Variants in CSMD1 observed in about 807,000 individuals in gnomAD.
The protein encoded by CSMD1 is CUB and Sushi multiple domains 1.
In CSMD1, 213 loss-of-function variants were observed where a neutral mutation model predicts 417.5. The observed-to-expected ratio is 0.51, with a 90% confidence interval of 0.46 to 0.57. The LOEUF (loss-of-function observed/expected upper bound fraction) is 0.57, where lower values mean the gene tolerates loss of function less well. Ranked by LOEUF, CSMD1 falls within the 20% of genes least tolerant of loss-of-function variation. The pLI is 0.00. For missense variants in CSMD1, 6,923 were observed against 4,529.7 expected (o/e 1.53, Z -15.17); for synonymous variants, 2,862 against 1,736.8 (o/e 1.65, Z -16.11).
intron 6 of CSMD1, among the ~76,000 whole-genome samples, chr8:3,715,026 T>G (rs1801746397): frequency 6.6e-6 from 1 of 152,234 alleles, no homozygotes; most frequent in Non-Finnish European, 1.5e-5. Context: ...AATGTTTAAC[T>G]TATTCATTAA....
intron 1 of CSMD1, among the ~76,000 whole-genome samples, chr8:4,811,505 G>T (rs1000553288): frequency 6.6e-6 from 1 of 152,002 alleles, no homozygotes; most frequent in African/African-American, 2.4e-5. Flanking sequence ...GGGATTGGTG[G>T]CAATGTATTG....
chr8:3,745,655 G>C (rs1448472027), intron 6 of CSMD1, among the ~76,000 whole-genome samples: 1 of 152,098 alleles, frequency 6.6e-6, no homozygotes, highest in East Asian at 1.9e-4. Context: ...TTTTCACAAG[G>C]GGCATGAATC....
At chr8:3,672,953 A>C (rs115709218) in intron 7 of CSMD1, among the ~76,000 whole-genome samples, 1 of 152,182 alleles carries the variant, frequency 6.6e-6, no homozygotes, top group Non-Finnish European at 1.5e-5. Context: ...TCAATAACTT[A>C]TCTCGTTATT....
At chr8:3,700,672 G>C (rs867849337) in intron 7 of CSMD1, 2 of 152,234 alleles carry the variant, frequency 1.3e-5, no homozygotes, top group East Asian at 1.9e-4. Context: ...GGGAGGATGT[G>C]ATACGGCTTC....
At chr8:3,444,038 G>A (rs552632025) in intron 12 of CSMD1, among the ~76,000 whole-genome samples, 29 of 152,158 alleles carry the variant, frequency 1.9e-4, no homozygotes, top group South Asian at 1.0e-3. Flanking sequence ...TGAATCAGGC[G>A]TATCAGCATG....
At chr8:4,121,550 G>T (rs919789955) in intron 3 of CSMD1, among the ~76,000 whole-genome samples, 10 of 149,558 alleles carry the variant, frequency 6.7e-5, no homozygotes, top group Admixed American at 1.3e-4. Context: ...TGAAGCAATT[G>T]TCTAAAATGT....
At chr8:4,674,316 G>C (rs903177290) in intron 1 of CSMD1, among the ~76,000 whole-genome samples, 6 of 151,980 alleles carry the variant, frequency 3.9e-5, no homozygotes, top group African/African-American at 1.4e-4. Flanking sequence ...GATTGAGGCT[G>C]AAAAAAATGC....
chr8:3,807,981 T>C (rs1033312085), intron 5 of CSMD1, among the ~76,000 whole-genome samples: 3 of 152,190 alleles, frequency 2.0e-5, no homozygotes, highest in Middle Eastern at 3.2e-3. Flanking sequence ...GCAGCCCTAT[T>C]CCTGTGTCAT....
intron 3 of CSMD1, among the ~76,000 whole-genome samples, chr8:4,398,004 C>G (rs1305100417): frequency 2.0e-5 from 3 of 152,122 alleles, no homozygotes; most frequent in African/African-American, 4.8e-5. Context: ...ATACCTTTGT[C>G]TAGGTCATAC....
Position 3,382,549 on chromosome 8 carries a change from CATT to C in CSMD1, c.2782+4942_2782+4944del, listed in dbSNP as rs1015919236. On this transcript the variant is annotated intron_variant, in intron 18 of 69. Transcript: ENST00000635120. ...TATATAAATATATATTTATTATTAGCATTATGTCTTTCTCTATATATATCTATA... is the reference window on the plus strand; with the variant it reads ...TATATAAATATATATTTATTATTAGCATGTCTTTCTCTATATATATCTATA... Among the ~76,000 whole-genome samples the C allele has an allele frequency of 1.7e-4, 7 of 40,200 alleles. No homozygotes were observed. The South Asian group carries it at 2.2e-3, about 13-fold the overall frequency. 26.4% of individuals were successfully genotyped at this position (40,200 alleles called of 152,430 possible).
intron 26 of CSMD1, among the ~76,000 whole-genome samples, chr8:3,241,689 T>A (rs1295165669): frequency 6.6e-6 from 1 of 152,148 alleles, no homozygotes; most frequent in African/African-American, 2.4e-5. Flanking sequence ...AGCAAGCTCC[T>A]GGGGGAGGTG....
At chr8:3,842,573 T>C (rs973220617) in intron 5 of CSMD1, among the ~76,000 whole-genome samples, 1 of 152,146 alleles carries the variant, frequency 6.6e-6, no homozygotes, top group Non-Finnish European at 1.5e-5. Context: ...GTAGTAGAAA[T>C]AACACATAAA....
At chr8:4,272,284 T>G (rs1804652760) in intron 3 of CSMD1, among the ~76,000 whole-genome samples, 1 of 152,186 alleles carries the variant, frequency 6.6e-6, no homozygotes, top group Non-Finnish European at 1.5e-5. Flanking sequence ...AACTTATAAA[T>G]AGAAAAACAT....
intron 2 of CSMD1, among the ~76,000 whole-genome samples, chr8:4,526,214 G>A (rs1193247396): frequency 6.6e-6 from 1 of 152,164 alleles, no homozygotes; most frequent in Admixed American, 6.5e-5. Context: ...ATTATTTCAT[G>A]CGCTACATTT....
intron 2 of CSMD1, 141 bp downstream of exon 2, chr8:4,637,201 A>T (rs940301191): frequency 7.9e-6 from 5 of 630,392 alleles, no homozygotes; most frequent in Non-Finnish European, 1.3e-5. Flanking sequence ...CTGTGGCTTC[A>T]TTCTTGAAGT....
intron 54 of CSMD1, among the ~76,000 whole-genome samples, chr8:2,988,617 T>G (rs1478049792): frequency 2.6e-5 from 4 of 152,214 alleles, no homozygotes; most frequent in African/African-American, 9.7e-5. Context: ...GATGCTTGTT[T>G]TCATTCCTTC....
intron 5 of CSMD1, among the ~76,000 whole-genome samples, chr8:3,865,021 C>G (rs1424113357): frequency 6.6e-6 from 1 of 151,750 alleles, no homozygotes; most frequent in Non-Finnish European, 1.5e-5. Flanking sequence ...AGCTAATCTC[C>G]TAATTTGTCA....
intron 1 of CSMD1, among the ~76,000 whole-genome samples, chr8:4,798,768 C>T (rs977069948): frequency 3.9e-5 from 6 of 152,080 alleles, no homozygotes; most frequent in Non-Finnish European, 8.8e-5. Flanking sequence ...CTGATAAAAA[C>T]CTCATTAGTA....
chr8:3,512,348 A>C lies in CSMD1; in HGVS notation c.1345-18622T>G, dbSNP rs1379635737. ...TACCCACAGCCTCAGCCTCTCCCCTAATACAGACTTCAGCTCAGAAATTCA... is the reference window on the plus strand; with the variant it reads ...TACCCACAGCCTCAGCCTCTCCCCTCATACAGACTTCAGCTCAGAAATTCA... On this transcript the variant is annotated intron_variant, in intron 10 of 69. Coordinates refer to ENST00000635120, the MANE Select transcript of CSMD1 (RefSeq NM_033225.6). Among the ~76,000 whole-genome samples the C allele has an allele frequency of 2.0e-5, 3 of 152,106 alleles. 1 individual carries two copies. The highest frequency in any genetic ancestry group is 7.2e-5 in the African/African-American group (3 of 41,408).
Sources: allele counts gnomAD v4.1 joint callset (sites outside exome capture counted in the v4.1 genomes callset), GRCh38; gene constraint gnomAD v4.1.1; transcripts MANE v1.5; gene names NCBI Gene and HGNC (gene_info 2026-07-23, HGNC 2026-07-21).